The following MAGI3 variants were observed in gnomAD, a reference collection of about 807,000 sequenced individuals.
The protein encoded by MAGI3 is membrane associated guanylate kinase, WW and PDZ domain containing 3.
A neutral mutation model predicts 121.8 loss-of-function variants in MAGI3; 43 were observed. That is an observed-to-expected ratio of 0.35 (90% CI 0.28 to 0.46). The LOEUF (loss-of-function observed/expected upper bound fraction) is 0.46, where lower values mean the gene tolerates loss of function less well. Ranked by LOEUF, MAGI3 falls within the 20% of genes least tolerant of loss-of-function variation. MAGI3 has a pLI of 1.00. For synonymous variants in MAGI3, 553 were observed against 639.3 expected (o/e 0.86, Z 2.04); for missense variants, 1,547 against 1,797.3 (o/e 0.86, Z 2.52).
In MAGI3 at chr1:113,398,223, A is replaced by G. The variant is rs547384532; in HGVS notation, c.316+6874A>G. On this transcript the variant is annotated intron_variant, in intron 1 of 20. Transcript: ENST00000307546. ...ACCTGAGAAAGGACACGCTGTCCTTATAGGTGATTAGGTACTTGTTTTATT... is the reference window on the plus strand; with the variant it reads ...ACCTGAGAAAGGACACGCTGTCCTTGTAGGTGATTAGGTACTTGTTTTATT... 2.6e-5 allele frequency among the ~76,000 whole-genome samples: 4 copies of G among 152,316 alleles called. No individual in the cohort carries two copies. The South Asian group carries it at 6.2e-4, about 24-fold the overall frequency.
intron 2 of MAGI3, among the ~76,000 whole-genome samples, chr1:113,558,301 A>C (rs1008840933): frequency 6.6e-6 from 1 of 152,222 alleles, no homozygotes; most frequent in African/African-American, 2.4e-5. Context: ...CAATGCAAAG[A>C]AGCTAAGAAT....
chr1:113,469,572 C>T (rs1165065778), intron 1 of MAGI3, among the ~76,000 whole-genome samples: 1 of 150,494 alleles, frequency 6.6e-6, no homozygotes, highest in Non-Finnish European at 1.5e-5. Flanking sequence ...ATATTTTTTT[C>T]AGCTCTGGGA....
chr1:113,405,799 T>G (rs1398206138), intron 1 of MAGI3, among the ~76,000 whole-genome samples: 1 of 152,166 alleles, frequency 6.6e-6, no homozygotes, highest in Non-Finnish European at 1.5e-5. Flanking sequence ...TCTCCCATGC[T>G]TCTCTGCTTT....
chr1:113,519,059 T>C (rs1658059264), intron 1 of MAGI3, among the ~76,000 whole-genome samples: 1 of 152,140 alleles, frequency 6.6e-6, no homozygotes, highest in Non-Finnish European at 1.5e-5. Flanking sequence ...CTTTCTGACA[T>C]CACCCTAATT....
chr1:113,550,288 C>T (rs1273256068), intron 2 of MAGI3, among the ~76,000 whole-genome samples: 1 of 150,310 alleles, frequency 6.7e-6, no homozygotes, highest in Non-Finnish European at 1.5e-5. Context: ...GCGTCGCAGG[C>T]GCCTGTAATC....
At chr1:113,562,979 G>A (rs902291061) in intron 2 of MAGI3, among the ~76,000 whole-genome samples, 2 of 152,048 alleles carry the variant, frequency 1.3e-5, no homozygotes, top group Non-Finnish European at 2.9e-5. Flanking sequence ...TCTGTGTTGT[G>A]AACATGATTC....
chr1:113,466,909 T>A (rs1655317467), intron 1 of MAGI3, among the ~76,000 whole-genome samples: 1 of 152,072 alleles, frequency 6.6e-6, no homozygotes, highest in Admixed American at 6.6e-5. Flanking sequence ...TTCATTGATC[T>A]TCTGTATTGT....
In MAGI3 at chr1:113,487,939, A is replaced by G. The variant is rs552255917; in HGVS notation, c.317-61576A>G. ...CTAAAACATTTTTCTATTGTTTAAC[A>G]AAATAATTAATTCTTTGTAGGAACA... On this transcript the variant is annotated intron_variant, in intron 1 of 20. Transcript: ENST00000307546. 2.0e-5 allele frequency among the ~76,000 whole-genome samples: 3 copies of G among 152,320 alleles called. No homozygotes were observed. The South Asian group carries it at 6.2e-4, about 32-fold the overall frequency.
intron 1 of MAGI3, among the ~76,000 whole-genome samples, chr1:113,413,468 C>T (rs1570636510): frequency 6.6e-6 from 1 of 152,100 alleles, no homozygotes; most frequent in African/African-American, 2.4e-5. Flanking sequence ...TTACTTTGGG[C>T]AGTATGGCCA....
intron 1 of MAGI3, among the ~76,000 whole-genome samples, chr1:113,400,910 A>G (rs1467113655): frequency 1.3e-5 from 2 of 152,168 alleles, no homozygotes; most frequent in African/African-American, 4.8e-5. Flanking sequence ...GACAACCCTA[A>G]GTTTAGACAA....
chr1:113,600,758 T>A (rs529835307), intron 6 of MAGI3, among the ~76,000 whole-genome samples: 1 of 152,094 alleles, frequency 6.6e-6, no homozygotes. Context: ...GAGTCCGCAT[T>A]GCCAAGTCAA....
intron 1 of MAGI3, among the ~76,000 whole-genome samples, chr1:113,506,633 C>G (rs1657342845): frequency 6.6e-6 from 1 of 152,110 alleles, no homozygotes; most frequent in Non-Finnish European, 1.5e-5. Context: ...TAACAAAAAC[C>G]AAGTTCAGTA....
intron 9 of MAGI3, among the ~76,000 whole-genome samples, chr1:113,637,363 G>T (rs1168466258): frequency 6.6e-6 from 1 of 152,170 alleles, no homozygotes; most frequent in Non-Finnish European, 1.5e-5. Context: ...TGCAGTGGCT[G>T]GTACCAGTTG....
chr1:113,515,397 A>G (rs1251716761), intron 1 of MAGI3, among the ~76,000 whole-genome samples: 4 of 152,178 alleles, frequency 2.6e-5, no homozygotes, highest in Non-Finnish European at 5.9e-5. Flanking sequence ...CTCTTCTCAA[A>G]TGTTTGTCTA....
chr1:113,617,192 T>TA (rs1360823464), intron 7 of MAGI3, among the ~76,000 whole-genome samples: 1 of 152,234 alleles, frequency 6.6e-6, no homozygotes, highest in African/African-American at 2.4e-5. Flanking sequence ...CCCAGCCATC[T>TA]AAAACTCTTT....
Position 113,643,746 on chromosome 1 carries a change from C to G in MAGI3, c.1970C>G (p.Pro657Arg). 1 of 1,613,448 alleles carries G rather than the reference C, an allele frequency of 6.2e-7. No homozygotes were observed. Reference sequence around the variant, plus strand: ...TTTGGTTCATTTTTTTTTTAAGGTCCTCCTTCACCAACCAAAACTGCCAAA... The same window carrying G: ...TTTGGTTCATTTTTTTTTTAAGGTCGTCCTTCACCAACCAAAACTGCCAAA... Reference protein sequence around the residue: ...DVPLLILRGGPPSPTKTAKMK... With the variant: ...DVPLLILRGGRPSPTKTAKMK... The change falls in exon 11 of 21, where the codon CCT (proline) becomes CGT (arginine). Residue 657 changes from proline to arginine, a missense_variant. Pro to Arg is a moderately radical substitution (Grantham distance 103). Transcript: ENST00000307546.
At chr1:113,629,123 G>A (rs1166072574) in intron 9 of MAGI3, among the ~76,000 whole-genome samples, 1 of 146,420 alleles carries the variant, frequency 6.8e-6, no homozygotes, top group Admixed American at 6.8e-5. Flanking sequence ...GTTTTTTTTT[G>A]TCTCCTCTGA....
intron 2 of MAGI3, among the ~76,000 whole-genome samples, chr1:113,551,313 C>T (rs1337245510): frequency 1.3e-5 from 2 of 152,172 alleles, no homozygotes; most frequent in Non-Finnish European, 2.9e-5. Context: ...TGGATCTCCT[C>T]CCTCTCATTT....
chr1:113,625,093 A>G (rs1651140924), intron 9 of MAGI3, among the ~76,000 whole-genome samples: 1 of 152,116 alleles, frequency 6.6e-6, no homozygotes, highest in African/African-American at 2.4e-5. Flanking sequence ...TTTAGTTACT[A>G]TAGCTCTGTA....
Sources: allele counts gnomAD v4.1 joint callset (sites outside exome capture counted in the v4.1 genomes callset), GRCh38; gene constraint gnomAD v4.1.1; transcripts MANE v1.5; gene names NCBI Gene and HGNC (gene_info 2026-07-23, HGNC 2026-07-21).